Variants in HAT1 observed in about 807,000 individuals in gnomAD.
HAT1 encodes histone acetyltransferase type B catalytic subunit.
Under a neutral mutation model 56.6 loss-of-function variants are expected in HAT1, and 20 were observed. The observed-to-expected ratio is 0.35, with a 90% CI of 0.25 to 0.51. The LOEUF (loss-of-function observed/expected upper bound fraction) is 0.51, where lower values mean the gene tolerates loss of function less well. Ranked by LOEUF, HAT1 falls within the 20% of genes least tolerant of loss-of-function variation. The probability of loss-of-function intolerance (pLI) is 0.95; values close to 1 mark genes in which losing one functional copy is unlikely to be tolerated. For missense variants in HAT1, 408 were observed against 504.3 expected, an observed-to-expected ratio of 0.81 and a Z score of 1.83; for synonymous variants, 146 against 165.5, an observed-to-expected ratio of 0.88 and a Z score of 0.91.
Position 171,944,071 on chromosome 2 carries a change from A to G in HAT1, c.113-2637A>G, listed in dbSNP as rs183460627. Among the ~76,000 whole-genome samples the G allele has an allele frequency of 2.5e-3, 380 of 152,074 alleles. 1 individual carries two copies. The highest frequency in any genetic ancestry group is 4.2e-3 in the Non-Finnish European group (285 of 67,984). On this transcript the variant is annotated intron_variant, in intron 2 of 10. Coordinates refer to ENST00000264108, the MANE Select transcript of HAT1 (RefSeq NM_003642.4). ...TGAGGCGGGAAGATCTTTTGAGCCC[A>G]GGATTTCAAGGTTGCTGTGAGCTGT...
At chr2:171,982,010 ATG>A (rs1688144344) in intron 10 of HAT1, among the ~76,000 whole-genome samples, 1 of 152,196 alleles carries the variant, frequency 6.6e-6, no homozygotes, top group Non-Finnish European at 1.5e-5. Flanking sequence ...TTAGATATTA[ATG>A]TGACTTTTAT....
chr2:171,933,781 T>G (rs1686801095), intron 2 of HAT1, among the ~76,000 whole-genome samples: 1 of 152,254 alleles, frequency 6.6e-6, no homozygotes, highest in Admixed American at 6.5e-5. Context: ...ATTTCAGTCC[T>G]TTTAAATTCA....
At chr2:171,935,746 C>T (rs1233276174) in intron 2 of HAT1, among the ~76,000 whole-genome samples, 2 of 151,606 alleles carry the variant, frequency 1.3e-5, no homozygotes, top group Admixed American at 1.3e-4. Flanking sequence ...TGTGGAGGTG[C>T]GTGCTTGTGG....
At chr2:171,941,156 C>T (rs1402000898) in intron 2 of HAT1, among the ~76,000 whole-genome samples, 2 of 152,126 alleles carry the variant, frequency 1.3e-5, no homozygotes, top group African/African-American at 4.8e-5. Context: ...CCACCAGATG[C>T]AGCTTAGTTG....
At chr2:171,935,007 C>T (rs893076939) in intron 2 of HAT1, among the ~76,000 whole-genome samples, 22 of 151,026 alleles carry the variant, frequency 1.5e-4, no homozygotes, top group African/African-American at 5.1e-4. Flanking sequence ...CCATCTGCCT[C>T]GGCCTCCCAA....
intron 4 of HAT1, among the ~76,000 whole-genome samples, chr2:171,958,615 C>G (rs967536776): frequency 6.6e-6 from 1 of 152,046 alleles, no homozygotes; most frequent in African/African-American, 2.4e-5. Context: ...CCATGTGCTC[C>G]CAGTTTACTG....
intron 10 of HAT1, 40 bp downstream of exon 10, chr2:171,979,403 C>A: frequency 1.1e-6 from 1 of 942,146 alleles, no homozygotes; most frequent in Non-Finnish European, 1.7e-6. Context: ...ATTCTTTTCA[C>A]TGTTTAAAAC....
intron 5 of HAT1, 88 bp downstream of exon 5, chr2:171,965,605 G>C: frequency 2.0e-6 from 2 of 1,000,968 alleles, no homozygotes; most frequent in Middle Eastern, 2.2e-4. Flanking sequence ...TATTCTAACT[G>C]CAGTAAACAA....
intron 4 of HAT1, among the ~76,000 whole-genome samples, chr2:171,960,535 C>T (rs143077411): frequency 0.019 from 2,850 of 152,250 alleles, 59 homozygotes; most frequent in Admixed American, 0.068. Flanking sequence ...AATTTTTAAT[C>T]ATCCATTCTT....
At chr2:171,939,074 G>C (rs926261031) in intron 2 of HAT1, among the ~76,000 whole-genome samples, 5 of 152,148 alleles carry the variant, frequency 3.3e-5, no homozygotes, top group African/African-American at 4.8e-5. Context: ...TTCATTTGCT[G>C]TCTTAAGCAG....
At chr2:171,949,171 C>A (rs150913003) in intron 3 of HAT1, among the ~76,000 whole-genome samples, 45 of 151,998 alleles carry the variant, frequency 3.0e-4, no homozygotes, top group South Asian at 6.2e-4. Context: ...TCTTCTTCTT[C>A]TTATTTATTT....
At chr2:171,945,498 ATTTTTT>A (rs71013093) in intron 2 of HAT1, among the ~76,000 whole-genome samples, 23 of 122,580 alleles carry the variant, frequency 1.9e-4, no homozygotes, top group Admixed American at 1.0e-3. Flanking sequence ...GCTATCTATA[ATTTTTT>A]TTTTTTTTTT....
chr2:171,956,561 T>G (rs1315195820), intron 4 of HAT1, among the ~76,000 whole-genome samples: 1 of 152,170 alleles, frequency 6.6e-6, no homozygotes, highest in Non-Finnish European at 1.5e-5. Flanking sequence ...GGTGAGGGCT[T>G]AGAATAAAAT....
chr2:171,937,342 G>T (rs1006475816), intron 2 of HAT1, among the ~76,000 whole-genome samples: 1 of 152,164 alleles, frequency 6.6e-6, no homozygotes, highest in African/African-American at 2.4e-5. Context: ...GGAAGTATAT[G>T]AACTTATTGC....
intron 3 of HAT1, among the ~76,000 whole-genome samples, chr2:171,949,243 GCT>G (rs948126872): frequency 6.6e-5 from 10 of 151,890 alleles, no homozygotes; most frequent in African/African-American, 2.2e-4. Context: ...ACAGGGTCTT[GCT>G]CTGTCACCCA....
At chr2:171,943,300 A>G (rs1406605921) in intron 2 of HAT1, among the ~76,000 whole-genome samples, 6 of 144,854 alleles carry the variant, frequency 4.1e-5, no homozygotes, top group Admixed American at 1.4e-4. Context: ...AATCCCAGCT[A>G]CTTGGGAGGC....
intron 2 of HAT1, among the ~76,000 whole-genome samples, chr2:171,932,501 T>G (rs1398711705): frequency 6.6e-6 from 1 of 152,194 alleles, no homozygotes; most frequent in Non-Finnish European, 1.5e-5. Context: ...GATTTTTGTC[T>G]TTTAAAGTAT....
chr2:171,948,431 G>A (rs1266993775), intron 3 of HAT1, among the ~76,000 whole-genome samples: 2 of 152,098 alleles, frequency 1.3e-5, no homozygotes, highest in Non-Finnish European at 2.9e-5. Flanking sequence ...CACCATCTTG[G>A]TCAGGTTGGT....
At chr2:171,931,004 C>T (rs1201439565) in intron 2 of HAT1, among the ~76,000 whole-genome samples, 1 of 152,016 alleles carries the variant, frequency 6.6e-6, no homozygotes, top group Non-Finnish European at 1.5e-5. Flanking sequence ...TTTTTCTTTG[C>T]CTTATACAGT....
Sources: gnomAD v4.1 joint callset for allele counts (sites outside exome capture counted in the v4.1 genomes callset) on GRCh38, gnomAD v4.1.1 for gene constraint, MANE v1.5 for transcripts, NCBI Gene and HGNC (gene_info 2026-07-23, HGNC 2026-07-21) for gene names.